The following MTHFD1 variants were observed in gnomAD, a reference collection of about 807,000 sequenced individuals.
MTHFD1 encodes C-1-tetrahydrofolate synthase, cytoplasmic.
MTHFD1 carries 44 observed loss-of-function variants against 110.3 expected under a neutral mutation model. The ratio of observed to expected loss-of-function variants is 0.40; its 90% CI spans 0.31 to 0.51. The LOEUF (loss-of-function observed/expected upper bound fraction) is 0.51, where lower values mean the gene tolerates loss of function less well. MTHFD1 is among the 20% of genes least tolerant of loss of function. The probability of loss-of-function intolerance (pLI) is 0.60; values close to 1 mark genes in which losing one functional copy is unlikely to be tolerated. For missense variants in MTHFD1, 909 were observed against 1,173.1 expected (o/e 0.77, Z 3.29); for synonymous variants, 402 against 428.8 (o/e 0.94, Z 0.77).
At chr14:64,447,405 C>T (rs1279403621) in intron 22 of MTHFD1, among the ~76,000 whole-genome samples, 2 of 151,082 alleles carry the variant, frequency 1.3e-5, no homozygotes, top group African/African-American at 2.4e-5. Flanking sequence ...CCACCTGCCT[C>T]GGCCCCCCAA....
chr14:64,441,877 C>G, intron 19 of MTHFD1, 177 bp from the exon 20 acceptor site: 1 of 671,528 alleles, frequency 1.5e-6, no homozygotes, highest in South Asian at 1.6e-5. Flanking sequence ...TCTCTTTCTT[C>G]TCATTCTTCC....
intron 12 of MTHFD1, among the ~76,000 whole-genome samples, chr14:64,429,787 T>C (rs2078144574): frequency 6.6e-6 from 1 of 152,218 alleles, no homozygotes; most frequent in African/African-American, 2.4e-5. Context: ...AATCTATTTA[T>C]CTCTATTTAG....
chr14:64,397,207 T>G (rs1226126818), intron 1 of MTHFD1, among the ~76,000 whole-genome samples: 1 of 100,594 alleles, frequency 9.9e-6, no homozygotes, highest in Non-Finnish European at 1.9e-5. Context: ...CAGTAATCTA[T>G]TGGGGCAGGG....
In MTHFD1 at chr14:64,453,834, A is replaced by G. The variant is rs747245120; in HGVS notation, c.2538A>G (p.Gln846=). ...ADDIELLPEA[Q]HKAEVYTKQG... ...ACATTGAATTACTTCCCGAAGCTCA[A>G]CACAAAGCTGAAGTCTACACGAAGC... The change falls in exon 25 of 28, where the codon CAA becomes CAG. Residue 846 remains glutamine, a synonymous_variant. Transcript: ENST00000652337. 2 of 1,610,980 alleles carry G rather than the reference A, an allele frequency of 1.2e-6. No homozygotes were observed. The highest frequency in any genetic ancestry group is 1.7e-5 in the Admixed American group (1 of 60,020).
intron 4 of MTHFD1, among the ~76,000 whole-genome samples, chr14:64,414,296 T>C (rs2078008053): frequency 7.1e-6 from 1 of 140,946 alleles, no homozygotes; most frequent in Non-Finnish European, 1.6e-5. Flanking sequence ...CTTTTTTTTT[T>C]TTTTTTTTTT....
Position 64,439,834 on chromosome 14 carries a change from C to T in MTHFD1, c.1675-292C>T, listed in dbSNP as rs536082983. Among the ~76,000 whole-genome samples the T allele has an allele frequency of 3.6e-5, 5 of 140,016 alleles. No individual in the cohort carries two copies. The South Asian group carries it at 1.1e-3, about 31-fold the overall frequency. The allele number at this position is 140,016 out of a possible 152,430, so 91.9% of individuals were successfully genotyped here. A position where few individuals can be genotyped will look rare whatever the true frequency, so the allele number is the denominator to read the frequency against. On this transcript the variant is annotated intron_variant, in intron 17 of 27. Transcript: ENST00000652337. ...GCCTGAACCCAGGAGGTGGATGTTG[C>T]ATTGAGCCAAGATTGTGCCACTGCA...
intron 4 of MTHFD1, among the ~76,000 whole-genome samples, chr14:64,414,641 C>T (rs2140955492): frequency 1.3e-5 from 2 of 151,684 alleles, no homozygotes; most frequent in African/African-American, 4.8e-5. Context: ...GTGTGAGCCA[C>T]CACACCCAGC....
chr14:64,399,907 C>G (rs1172489004), intron 1 of MTHFD1, among the ~76,000 whole-genome samples: 1 of 152,126 alleles, frequency 6.6e-6, no homozygotes, highest in African/African-American at 2.4e-5. Flanking sequence ...TCCTGAGTAG[C>G]TGGGACTACA....
intron 16 of MTHFD1, among the ~76,000 whole-genome samples, chr14:64,436,085 C>T (rs1459038160): frequency 6.6e-6 from 1 of 151,830 alleles, no homozygotes; most frequent in Admixed American, 6.6e-5. Flanking sequence ...TTCTGTAGTT[C>T]TCTAGCTTAC....
intron 17 of MTHFD1, among the ~76,000 whole-genome samples, 199 bp from the exon 18 acceptor site, chr14:64,439,927 C>G (rs2078234954): frequency 7.2e-6 from 1 of 139,350 alleles, no homozygotes. Context: ...AATGACAACT[C>G]AGGGTCTTGG....
At chr14:64,448,589 C>T (rs1008396402) in intron 23 of MTHFD1, 23 of 466,060 alleles carry the variant, frequency 4.9e-5, no homozygotes, top group Non-Finnish European at 7.9e-5. Flanking sequence ...GTTCCTTTTT[C>T]ATCTTTAGAG....
chr14:64,449,887 CA>C (rs1190563476), intron 24 of MTHFD1, among the ~76,000 whole-genome samples: 3 of 152,244 alleles, frequency 2.0e-5, no homozygotes, highest in Non-Finnish European at 4.4e-5. Flanking sequence ...CTCCTGGGTT[CA>C]AGTGATTCTC....
At chr14:64,454,605 T>C (rs1336521649) in intron 25 of MTHFD1, 118 bp from the exon 26 acceptor site, 26 of 806,466 alleles carry the variant, frequency 3.2e-5, no homozygotes, top group Admixed American at 7.9e-5. Context: ...GAGATGTATA[T>C]AAAGGGAGTT....
intron 8 of MTHFD1, among the ~76,000 whole-genome samples, chr14:64,423,428 C>T (rs1463534918): frequency 6.6e-6 from 1 of 151,786 alleles, no homozygotes; most frequent in Non-Finnish European, 1.5e-5. Context: ...TTTTTTGAGA[C>T]GGAGTTTCGC....
chr14:64,393,485 T>C (rs1308009463), intron 1 of MTHFD1, among the ~76,000 whole-genome samples: 1 of 152,082 alleles, frequency 6.6e-6, no homozygotes, highest in East Asian at 1.9e-4. Flanking sequence ...GAAACTTGAC[T>C]GTCATAGCTG....
At chr14:64,434,958 T>TTC (rs2078193640) in intron 15 of MTHFD1, among the ~76,000 whole-genome samples, 1 of 124,136 alleles carries the variant, frequency 8.1e-6, no homozygotes, top group South Asian at 2.7e-4. Flanking sequence ...TCTTTTTTTT[T>TTC]TTTTTTTTTT....
chr14:64,431,929 T>C, intron 15 of MTHFD1, 68 bp downstream of exon 15: 2 of 1,409,292 alleles, frequency 1.4e-6, no homozygotes, highest in Admixed American at 1.7e-5. Flanking sequence ...GATTAGGACA[T>C]AAAAGTCTTC....
intron 24 of MTHFD1, among the ~76,000 whole-genome samples, chr14:64,452,030 TCA>T (rs2078381344): frequency 6.6e-6 from 1 of 152,226 alleles, no homozygotes; most frequent in African/African-American, 2.4e-5. Context: ...GGCGCTGTGG[TCA>T]CACCTGTAAT....
intron 13 of MTHFD1, among the ~76,000 whole-genome samples, chr14:64,430,588 A>G (rs1213706262): frequency 6.6e-6 from 1 of 151,990 alleles, no homozygotes; most frequent in Non-Finnish European, 1.5e-5. Flanking sequence ...GAGCCACCGC[A>G]CCCAGCCTAG....
Sources: gnomAD v4.1 joint callset for allele counts (sites outside exome capture counted in the v4.1 genomes callset) on GRCh38, gnomAD v4.1.1 for gene constraint, MANE v1.5 for transcripts, NCBI Gene and HGNC (gene_info 2026-07-23, HGNC 2026-07-21) for gene names.